The following PRKACB variants were observed in gnomAD, a reference collection of about 807,000 sequenced individuals.
PRKACB encodes protein kinase cAMP-activated catalytic subunit beta, also known as cAMP-dependent protein kinase catalytic subunit beta.
In PRKACB, 16 loss-of-function variants were observed where a neutral mutation model predicts 51.4. That is an observed-to-expected ratio of 0.31 (90% CI 0.21 to 0.47). PRKACB has a LOEUF of 0.47. Among genes scored for constraint, PRKACB ranks in the 20% least tolerant of loss-of-function variants. The probability of loss-of-function intolerance (pLI) is 1.00; values close to 1 mark genes in which losing one functional copy is unlikely to be tolerated. For synonymous variants in PRKACB, 147 were observed against 154.4 expected (o/e 0.95, Z 0.35); for missense variants, 309 against 464.5 (o/e 0.67, Z 3.08).
chr1:84,164,230 TTC>T, intron 1 of PRKACB: 1 of 1,425,370 alleles, frequency 7.0e-7, no homozygotes, highest in Non-Finnish European at 9.2e-7. Flanking sequence ...CAGTATAGCT[TTC>T]TGGCTCATGA....
At chr1:84,214,035 G>T in intron 8 of PRKACB, 118 bp from the exon 9 acceptor site, 3 of 982,520 alleles carry the variant, frequency 3.1e-6, no homozygotes, top group Non-Finnish European at 4.3e-6. Flanking sequence ...GAAGGTCATC[G>T]CTCCATATTT....
chr1:84,115,398 A>G (rs1330280792), intron 1 of PRKACB, among the ~76,000 whole-genome samples: 2 of 150,890 alleles, frequency 1.3e-5, no homozygotes, highest in African/African-American at 4.9e-5. Context: ...AAGTTTTTTG[A>G]GTTTCTTGTA....
intron 1 of PRKACB, among the ~76,000 whole-genome samples, chr1:84,160,098 C>G (rs1655998747): frequency 6.6e-6 from 1 of 152,034 alleles, no homozygotes; most frequent in South Asian, 2.1e-4. Flanking sequence ...GGAAGTGTTC[C>G]TGCCACTTCT....
At chr1:84,211,156 C>A (rs1672086129) in intron 8 of PRKACB, among the ~76,000 whole-genome samples, 1 of 151,482 alleles carries the variant, frequency 6.6e-6, no homozygotes, top group African/African-American at 2.4e-5. Flanking sequence ...CACACACACA[C>A]ACACGTTCAA....
At position 84,179,192 on chromosome 1, in the gene PRKACB, C is replaced by T; in HGVS notation, c.203C>T (p.Ala68Val). The change falls in exon 2 of 10, where the codon GCC becomes GTC. Residue 68 changes from alanine (A) to valine (V), a missense_variant. By Grantham distance (64) the Ala-to-Val change is moderately conservative (BLOSUM62 0). Transcript: ENST00000370685. The part of the protein sequence containing the change: ...LWDRSMKEFL[A>V]KAKEDFLKKW... ...ATATTTTCAGTGAAAGAGTTTCTAG[C>T]CAAAGCCAAAGAAGACTTTTTGAAA... The T allele has an allele frequency of 6.3e-7, 1 of 1,585,448 alleles. No individual in the cohort carries two copies. Among genetic ancestry groups the T allele is most frequent in the South Asian group, 1.2e-5 (1 of 84,648 alleles).
At chr1:84,175,743 T>C (rs1661015748) in intron 1 of PRKACB, 3 of 1,480,774 alleles carry the variant, frequency 2.0e-6, no homozygotes, top group Admixed American at 4.9e-5. Context: ...CTTTTTTTTT[T>C]CATCTCTTGA....
At chr1:84,170,896 G>A (rs1659240123) in intron 1 of PRKACB, among the ~76,000 whole-genome samples, 1 of 151,552 alleles carries the variant, frequency 6.6e-6, no homozygotes, top group Non-Finnish European at 1.5e-5. Context: ...TTCTTACCCA[G>A]TAATTGAAGA....
Position 84,100,019 on chromosome 1 carries a change from C to T in PRKACB, c.46+21648C>T, listed in dbSNP as rs112622821. Among the ~76,000 whole-genome samples the T allele has an allele frequency of 1.5e-3, 226 of 152,260 alleles. 2 individuals are homozygous for T. Among genetic ancestry groups the T allele is most frequent in the African/African-American group, 5.1e-3 (212 of 41,548 alleles). On this transcript the variant is annotated intron_variant, in intron 1 of 8. Coordinates refer to the PRKACB transcript ENST00000370688. ...AACTTTATATTTGTCCATTTTCACA[C>T]TGCTGTAAAGATACGAGACTGGGTA... is the stretch of plus-strand genomic sequence containing the variant.
intron 1 of PRKACB, among the ~76,000 whole-genome samples, chr1:84,170,178 G>T (rs1658955487): frequency 6.6e-6 from 1 of 151,624 alleles, no homozygotes; most frequent in African/African-American, 2.4e-5. Flanking sequence ...GACCTTGGTG[G>T]GGCTTTCGTT....
Position 84,200,296 on chromosome 1 carries a change from T to TGTC in PRKACB, c.784-2386_784-2384dup, listed in dbSNP as rs367635592. ...CGCATGTATGTCTTGTTTTAGAAAG[T>TGTC]GTCAGTTCATGTCCTTTGCCCACCT... On this transcript the variant is annotated intron_variant, in intron 7 of 9. Coordinates refer to ENST00000370685, the MANE Select transcript of PRKACB (RefSeq NM_182948.4). Among the ~76,000 whole-genome samples, 588 of 152,284 alleles carry TGTC rather than the reference T, an allele frequency of 3.9e-3. 7 individuals are homozygous for TGTC. Among genetic ancestry groups the TGTC allele is most frequent in the African/African-American group, 0.013 (544 of 41,552 alleles).
At chr1:84,095,797 T>G (rs868498532) in intron 1 of PRKACB, among the ~76,000 whole-genome samples, 45 of 152,028 alleles carry the variant, frequency 3.0e-4, no homozygotes, top group African/African-American at 1.0e-3. Context: ...TAATTTCAAT[T>G]ATTATATTTT....
At chr1:84,121,681 A>G (rs916381573) in intron 1 of PRKACB, among the ~76,000 whole-genome samples, 5 of 152,244 alleles carry the variant, frequency 3.3e-5, no homozygotes, top group East Asian at 3.9e-4. Context: ...TGTGAACACA[A>G]TGCTAGAATC....
At chr1:84,083,506 G>A (rs1443295031) in intron 1 of PRKACB, among the ~76,000 whole-genome samples, 1 of 152,198 alleles carries the variant, frequency 6.6e-6, no homozygotes, top group Admixed American at 6.5e-5. Flanking sequence ...GCTTAGAAAA[G>A]TAAGCCATGG....
chr1:84,159,769 T>G (rs1655958559), intron 1 of PRKACB, among the ~76,000 whole-genome samples: 1 of 152,110 alleles, frequency 6.6e-6, no homozygotes, highest in South Asian at 2.1e-4. Context: ...TCCTTTCTAG[T>G]CCTCGTTGTT....
In PRKACB at chr1:84,238,092, C is replaced by T. The variant is rs1323582366; in HGVS notation, c.*2787C>T. ...ATATCATAAGAGCCTTGGTGTCTGT[C>T]CTAATTCCTTTCTCACTCACCGATG... On this transcript the variant is annotated 3_prime_UTR_variant, in exon 10 of 10. Transcript: ENST00000370685. 6.6e-6 allele frequency: 1 copy of T among 152,108 alleles called. No individual in the cohort carries two copies. The highest frequency in any genetic ancestry group is 2.4e-5 in the African/African-American group (1 of 41,438). 9.4% of individuals were successfully genotyped at this position (152,108 alleles called of 1,614,324 possible).
At chr1:84,150,800 T>G (rs1324326377) in intron 1 of PRKACB, among the ~76,000 whole-genome samples, 8 of 152,118 alleles carry the variant, frequency 5.3e-5, no homozygotes, top group African/African-American at 1.9e-4. Context: ...TTATTCTGCC[T>G]TAGGTATTTC....
chr1:84,186,109 C>T (rs1025775062), intron 5 of PRKACB, among the ~76,000 whole-genome samples: 17 of 152,074 alleles, frequency 1.1e-4, no homozygotes, highest in Admixed American at 2.6e-4. Flanking sequence ...GGGTCAGACT[C>T]GTCTAAGAGT....
chr1:84,164,287 A>G (rs1040624042), intron 1 of PRKACB: 9 of 1,500,348 alleles, frequency 6.0e-6, no homozygotes, highest in Middle Eastern at 1.7e-4. Flanking sequence ...TTCATCGCCA[A>G]TAGTCACTAG....
chr1:84,212,063 T>C (rs536805890), intron 8 of PRKACB, among the ~76,000 whole-genome samples: 1 of 152,196 alleles, frequency 6.6e-6, no homozygotes, highest in Non-Finnish European at 1.5e-5. Flanking sequence ...TTTCCTCTGG[T>C]ATGATAATGA....
Sources: allele counts gnomAD v4.1 joint callset (sites outside exome capture counted in the v4.1 genomes callset), GRCh38; gene constraint gnomAD v4.1.1; transcripts MANE v1.5; gene names NCBI Gene and HGNC (gene_info 2026-07-23, HGNC 2026-07-21).